The following NCR1 variants were observed in gnomAD, a reference collection of about 807,000 sequenced individuals.
NCR1 encodes natural cytotoxicity triggering receptor 1.
NCR1 carries 30 observed loss-of-function variants against 32.5 expected under a neutral mutation model. The observed-to-expected ratio is 0.92, with a 90% CI of 0.69 to 1.25. NCR1 has a LOEUF of 1.25. NCR1 is among the 50% of genes most tolerant of loss of function. NCR1 has a pLI of 0.00. For synonymous variants in NCR1, 169 were observed against 143.4 expected, an observed-to-expected ratio of 1.18 and a Z score of -1.28; for missense variants, 369 against 380.7, an observed-to-expected ratio of 0.97 and a Z score of 0.26.
upstream of NCR1, chr19:54,906,021 A>G (rs1602028640): frequency 2.5e-6 from 2 of 785,132 alleles, no homozygotes; most frequent in South Asian, 3.2e-5. Flanking sequence ...CTGTAAGCTC[A>G]TGGTCAGAGG....
chr19:54,910,095 G>A (rs587597731), intron 5 of NCR1, 30 bp downstream of exon 5: 23 of 1,601,014 alleles, frequency 1.4e-5, no homozygotes, highest in East Asian at 1.3e-4. Flanking sequence ...AAGCTCAGAC[G>A]AGCGATCAGA....
chr19:54,917,604 C>T (rs962864498), downstream of NCR1, among the ~76,000 whole-genome samples: 2 of 152,076 alleles, frequency 1.3e-5, no homozygotes, highest in African/African-American at 2.4e-5. Context: ...TACAGGCCCC[C>T]GCACCCAGCC....
At chr19:54,901,226 CT>C (rs1450529249), upstream of NCR1, among the ~76,000 whole-genome samples, 1 of 150,120 alleles carries the variant, frequency 6.7e-6, no homozygotes, top group African/African-American at 2.5e-5. Flanking sequence ...GGAGGCAGAG[CT>C]TGCAGTGAGT....
the NCR1 span, among the ~76,000 whole-genome samples, chr19:54,934,126 A>T: frequency 9.3e-4 from 142 of 152,288 alleles, 1 homozygote; most frequent in Middle Eastern, 6.8e-3. The surrounding 1 kb of genome is among the most constrained non-coding windows in gnomAD (Gnocchi z 6.7). Context: ...ATTTTTTAGT[A>T]GAGACGGGGT....
intron 3 of NCR1, 39 bp downstream of exon 3, chr19:54,906,846 C>G: frequency 6.2e-7 from 1 of 1,605,310 alleles, no homozygotes; most frequent in Non-Finnish European, 8.5e-7. Flanking sequence ...TGATCTCAGT[C>G]TGCATCCGGG....
the NCR1 span, among the ~76,000 whole-genome samples, chr19:54,923,074 C>G: frequency 1.3e-5 from 2 of 152,278 alleles, no homozygotes; most frequent in East Asian, 3.9e-4. Flanking sequence ...TTAAAGGCAA[C>G]AGTGACTGTA....
the NCR1 span, chr19:54,938,053 T>A: frequency 6.2e-7 from 1 of 1,613,398 alleles, no homozygotes; most frequent in African/African-American, 1.3e-5. Context: ...CTCCACTTTC[T>A]GCAGATGACA....
chr19:54,927,909 C>T, the NCR1 span: 29 of 771,190 alleles, frequency 3.8e-5, no homozygotes, highest in South Asian at 5.6e-5. Context: ...CTTGCCAACA[C>T]GGTCAAACCC....
chr19:54,903,510 G>T (rs147409860), upstream of NCR1, among the ~76,000 whole-genome samples: 4 of 127,074 alleles, frequency 3.1e-5, no homozygotes, highest in African/African-American at 5.7e-5. Flanking sequence ...ATGTATACAC[G>T]CATACATGTG....
At chr19:54,911,952 A>G (rs1343903924) in intron 5 of NCR1, among the ~76,000 whole-genome samples, 1 of 152,016 alleles carries the variant, frequency 6.6e-6, no homozygotes, top group Non-Finnish European at 1.5e-5. Context: ...GACTGGTGCA[A>G]AGACACATGC....
At chr19:54,899,533 G>T in the NCR1 span, among the ~76,000 whole-genome samples, 19 of 151,936 alleles carry the variant, frequency 1.3e-4, no homozygotes, top group Non-Finnish European at 1.9e-4. Context: ...AGGTCGGGGT[G>T]TGGAAATAAG....
the NCR1 span, chr19:54,934,755 T>A: frequency 2.9e-6 from 3 of 1,045,972 alleles, no homozygotes; most frequent in Non-Finnish European, 4.1e-6. The surrounding 1 kb of genome is among the most constrained non-coding windows in gnomAD (Gnocchi z 6.7). Context: ...TGTTGCCCAG[T>A]CTGGAATGCA....
the NCR1 span, chr19:54,927,850 G>A: frequency 5.0e-5 from 67 of 1,342,770 alleles, no homozygotes; most frequent in African/African-American, 2.3e-4. Context: ...CCAACACTTC[G>A]GGAGGCCAAG....
chr19:54,909,187 A>T (rs1303858749), intron 3 of NCR1, 58 bp from the exon 4 acceptor site: 26 of 1,524,388 alleles, frequency 1.7e-5, no homozygotes, highest in East Asian at 9.1e-5. Flanking sequence ...AGAAAAAAAA[A>T]AATAGCTGGC....
the NCR1 span, among the ~76,000 whole-genome samples, chr19:54,922,955 G>C: frequency 6.6e-6 from 1 of 150,782 alleles, no homozygotes; most frequent in African/African-American, 2.4e-5. Context: ...AACAAAGAGA[G>C]ACACACAGAG....
At chr19:54,930,920 G>C in the NCR1 span, among the ~76,000 whole-genome samples, 1 of 152,096 alleles carries the variant, frequency 6.6e-6, no homozygotes, top group Non-Finnish European at 1.5e-5. Context: ...CTACTCAGAA[G>C]ACTGAGGCAG....
At chr19:54,925,954 C>T in the NCR1 span, among the ~76,000 whole-genome samples, 22 of 151,226 alleles carry the variant, frequency 1.5e-4, no homozygotes, top group Admixed American at 1.3e-3. Flanking sequence ...GAGCCGAGAT[C>T]GCACCGCTTC....
At chr19:54,903,408 A>G (rs1040632941), upstream of NCR1, among the ~76,000 whole-genome samples, 1 of 141,698 alleles carries the variant, frequency 7.1e-6, no homozygotes, top group Non-Finnish European at 1.5e-5. Flanking sequence ...ATATGTATGT[A>G]TACACGCATA....
chr19:54,937,914 A>AG, the NCR1 span: 17 of 766,998 alleles, frequency 2.2e-5, no homozygotes, highest in Non-Finnish European at 3.3e-5. Context: ...AAAAAAAAAA[A>AG]AAAAAAAGAC....
Sources: allele counts gnomAD v4.1 joint callset (sites outside exome capture counted in the v4.1 genomes callset), GRCh38; gene constraint gnomAD v4.1.1; non-coding constraint Gnocchi (gnomAD v3.1); transcripts MANE v1.5; gene names NCBI Gene and HGNC (gene_info 2026-07-23, HGNC 2026-07-21).